SETD7: variants seen among roughly 807,000 people sequenced by gnomAD.
The protein encoded by SETD7 is SET domain containing 7, histone lysine methyltransferase, also known as histone-lysine N-methyltransferase SETD7.
Under a neutral mutation model 41.8 loss-of-function variants are expected in SETD7, and 16 were observed. The observed-to-expected ratio is 0.38, with a 90% CI of 0.26 to 0.58. The LOEUF is 0.58. Ranked by LOEUF, SETD7 falls within the 20% of genes least tolerant of loss-of-function variation. The probability of loss-of-function intolerance (pLI) is 0.64; values close to 1 mark genes in which losing one functional copy is unlikely to be tolerated. For synonymous variants in SETD7, 163 were observed against 169.7 expected, an observed-to-expected ratio of 0.96 and a Z score of 0.31; for missense variants, 346 against 459.7, an observed-to-expected ratio of 0.75 and a Z score of 2.26.
At chr4:139,527,356 C>T (rs1374602349) in intron 4 of SETD7, among the ~76,000 whole-genome samples, 3 of 152,124 alleles carry the variant, frequency 2.0e-5, no homozygotes, top group Non-Finnish European at 4.4e-5. Flanking sequence ...GAGTTTGAGA[C>T]CAGCCTGAGC....
chr4:139,524,320 C>T (rs751448337), intron 4 of SETD7, among the ~76,000 whole-genome samples: 21 of 152,252 alleles, frequency 1.4e-4, no homozygotes, highest in South Asian at 2.1e-4. Context: ...CGCACAGAAA[C>T]GGACCATTTG....
intron 7 of SETD7, among the ~76,000 whole-genome samples, chr4:139,515,044 T>A (rs1325465729): frequency 6.6e-6 from 1 of 151,788 alleles, no homozygotes; most frequent in African/African-American, 2.4e-5. Flanking sequence ...CGCATGCCTG[T>A]AATCCCAGCT....
intron 3 of SETD7, among the ~76,000 whole-genome samples, chr4:139,529,451 C>A (rs1727422318): frequency 6.6e-6 from 1 of 152,132 alleles, no homozygotes; most frequent in Non-Finnish European, 1.5e-5. Context: ...GGCATGTATG[C>A]CTGATTTAGA....
At chr4:139,512,156 A>G (rs1726893707) in intron 7 of SETD7, among the ~76,000 whole-genome samples, 1 of 152,202 alleles carries the variant, frequency 6.6e-6, no homozygotes, top group South Asian at 2.1e-4. Context: ...GCATTTATAA[A>G]CCAACAATCA....
intron 1 of SETD7, among the ~76,000 whole-genome samples, chr4:139,554,645 C>CT (rs1316359011): frequency 6.6e-5 from 10 of 152,208 alleles, no homozygotes; most frequent in African/African-American, 2.4e-4. Flanking sequence ...ATAAATAGCT[C>CT]TGTGAGTTCA....
intron 4 of SETD7, among the ~76,000 whole-genome samples, chr4:139,525,441 T>C (rs1296044032): frequency 6.6e-6 from 1 of 152,222 alleles, no homozygotes; most frequent in African/African-American, 2.4e-5. Context: ...TAGTATGCTA[T>C]GCCCTTTGAC....
chr4:139,540,387 G>C lies in SETD7; in HGVS notation c.170+6533C>G, dbSNP rs62321266. ...ACTATGGCTGATGAGTAACTTCAAG[G>C]AAAATTAAAGAATGGAAGAAAGGCA... On this transcript the variant is annotated intron_variant, in intron 2 of 7. Transcript: ENST00000274031. Among the ~76,000 whole-genome samples, 3 of 152,298 alleles carry C rather than the reference G, an allele frequency of 2.0e-5. No homozygotes were observed. The South Asian group carries it at 6.2e-4, about 32-fold the overall frequency.
intron 7 of SETD7, among the ~76,000 whole-genome samples, chr4:139,500,862 C>T (rs892906369): frequency 2.0e-5 from 3 of 152,236 alleles, no homozygotes; most frequent in East Asian, 1.9e-4. Context: ...AAATAGTTTT[C>T]GGGGCCCCTG....
intron 2 of SETD7, among the ~76,000 whole-genome samples, chr4:139,542,818 G>C (rs988084906): frequency 3.9e-5 from 6 of 152,098 alleles, no homozygotes; most frequent in Non-Finnish European, 8.8e-5. Flanking sequence ...CTGGATATTT[G>C]AAATTCTTAT....
At chr4:139,523,283 A>G (rs2111138276) in intron 5 of SETD7, 71 bp downstream of exon 5, 2 of 1,167,416 alleles carry the variant, frequency 1.7e-6, no homozygotes, top group South Asian at 1.3e-5. Flanking sequence ...AAAGAGGTGC[A>G]TAAGTTCCTA....
chr4:139,552,809 T>G (rs2111180659), intron 1 of SETD7, among the ~76,000 whole-genome samples: 1 of 152,350 alleles, frequency 6.6e-6, no homozygotes, highest in South Asian at 2.1e-4. Flanking sequence ...AAGCTGGAAC[T>G]AATTTTTACT....
intron 1 of SETD7, among the ~76,000 whole-genome samples, chr4:139,553,633 A>G (rs888231005): frequency 1.3e-5 from 2 of 152,220 alleles, no homozygotes; most frequent in Admixed American, 1.3e-4. Context: ...AAATTAGGAT[A>G]ATATTAGTAC....
chr4:139,530,354 GCCT>G (rs1182546061), intron 3 of SETD7, among the ~76,000 whole-genome samples: 4 of 71,548 alleles, frequency 5.6e-5, no homozygotes, highest in East Asian at 4.1e-4. Context: ...CCCAAATGCT[GCCT>G]TTTTTTTTTT....
chr4:139,496,602 G>A (rs1726461781), intron 7 of SETD7: 1 of 630,062 alleles, frequency 1.6e-6, no homozygotes, highest in African/African-American at 1.8e-5. Flanking sequence ...GTGCTGAAAA[G>A]CCAGAAAGGA....
At chr4:139,522,919 A>T (rs1213355999) in intron 5 of SETD7, among the ~76,000 whole-genome samples, 2 of 151,786 alleles carry the variant, frequency 1.3e-5, no homozygotes, top group African/African-American at 4.8e-5. Context: ...ACACCCAGCT[A>T]ATTTTTGTAT....
At chr4:139,548,075 A>G (rs1333650707) in intron 1 of SETD7, 2 of 152,172 alleles carry the variant, frequency 1.3e-5, no homozygotes, top group African/African-American at 4.8e-5. Context: ...GTGGGTGAAA[A>G]TGAAGGCAGT....
intron 2 of SETD7, among the ~76,000 whole-genome samples, chr4:139,543,478 T>C (rs757510751): frequency 8.5e-5 from 13 of 152,208 alleles, no homozygotes; most frequent in Admixed American, 2.6e-4. Context: ...TTTGAGATCC[T>C]GTCACCACAC....
intron 2 of SETD7, among the ~76,000 whole-genome samples, chr4:139,535,920 C>A (rs928915344): frequency 1.3e-5 from 2 of 152,092 alleles, no homozygotes; most frequent in Non-Finnish European, 2.9e-5. Context: ...ATAAAATATA[C>A]GTTTCTTAGA....
downstream of SETD7, among the ~76,000 whole-genome samples, chr4:139,494,676 T>C (rs930119554): frequency 1.3e-5 from 2 of 152,230 alleles, no homozygotes; most frequent in Non-Finnish European, 2.9e-5. Context: ...ACACAGAAGT[T>C]CAGTATTATT....
Sources: allele counts gnomAD v4.1 joint callset (sites outside exome capture counted in the v4.1 genomes callset), GRCh38; gene constraint gnomAD v4.1.1; transcripts MANE v1.5; gene names NCBI Gene and HGNC (gene_info 2026-07-23, HGNC 2026-07-21).